The following CHM variants were observed in gnomAD, a reference collection of about 807,000 sequenced individuals.
CHM encodes CHM Rab escort protein.
A neutral mutation model predicts 49.0 loss-of-function variants in CHM; 10 were observed. The observed-to-expected ratio is 0.20, with a 90% CI of 0.13 to 0.35. The LOEUF is 0.35. CHM is among the 10% of genes least tolerant of loss of function. The probability of loss-of-function intolerance (pLI) is 1.00; values close to 1 mark genes in which losing one functional copy is unlikely to be tolerated. For synonymous variants in CHM, 184 were observed against 167.5 expected, an observed-to-expected ratio of 1.10 and a Z score of -0.76; for missense variants, 455 against 478.4, an observed-to-expected ratio of 0.95 and a Z score of 0.46.
chrX:86,042,782 C>T (rs1356501754), intron 1 of CHM, among the ~76,000 whole-genome samples: 1 of 109,743 alleles, frequency 9.1e-6, no homozygotes, highest in Non-Finnish European at 1.9e-5. Context: ...ATGATTGTGC[C>T]ACTGCACTCC....
At chrX:86,039,467 T>C (rs1934371259) in intron 1 of CHM, among the ~76,000 whole-genome samples, 1 of 94,238 alleles carries the variant, frequency 1.1e-5, no homozygotes, top group Non-Finnish European at 2.1e-5. Flanking sequence ...AAACCACCAT[T>C]AACTAGTAGC....
chrX:85,962,012 C>T (rs1569426591), intron 5 of CHM, among the ~76,000 whole-genome samples: 1 of 112,102 alleles, frequency 8.9e-6, no homozygotes, highest in East Asian at 2.8e-4. Context: ...TTTCCCTTTG[C>T]AAGATATATA....
At chrX:85,872,272 G>A in intron 14 of CHM, among the ~76,000 whole-genome samples, 1 of 112,212 alleles carries the variant, frequency 8.9e-6, no homozygotes, top group Middle Eastern at 4.6e-3. Context: ...TTAATGGACA[G>A]ATGTGCCAGT....
chrX:86,012,763 T>C (rs1478910221), intron 2 of CHM, among the ~76,000 whole-genome samples: 1 of 111,060 alleles, frequency 9.0e-6, no homozygotes, highest in Admixed American at 9.6e-5. Context: ...GGCAATATAA[T>C]AGAAATATGT....
intron 2 of CHM, among the ~76,000 whole-genome samples, chrX:86,010,077 ATT>A (rs1932992049): frequency 9.4e-6 from 1 of 106,911 alleles, no homozygotes; most frequent in African/African-American, 3.4e-5. Context: ...TCAGCAAACT[ATT>A]ATAAGGACAG....
intron 11 of CHM, among the ~76,000 whole-genome samples, chrX:85,895,301 A>ATTT (rs762567120): frequency 1.0e-5 from 1 of 96,277 alleles, no homozygotes. Context: ...ACACCTGGCT[A>ATTT]TTTTTTTTTT....
intron 8 of CHM, among the ~76,000 whole-genome samples, chrX:85,941,011 A>G (rs1416344760): frequency 9.0e-6 from 1 of 111,671 alleles, no homozygotes; most frequent in African/African-American, 3.3e-5. Context: ...GCTTCTTGAC[A>G]TTGATATCAA....
chrX:85,995,260 TAAAA>T (rs55742394), intron 2 of CHM, among the ~76,000 whole-genome samples: 1 of 46,812 alleles, frequency 2.1e-5, no homozygotes. Context: ...CCTTATTACT[TAAAA>T]AAAAAAAAAA....
chrX:86,025,698 GAAAGAAAAAGAAAAAGGA>G (rs1057269346), intron 2 of CHM, among the ~76,000 whole-genome samples: 8 of 81,978 alleles, frequency 9.8e-5, no homozygotes, highest in Non-Finnish European at 1.4e-4. Context: ...AAGAAAGAAA[GAAAGAAAAAGAAAAAGGA>G]AAAGAAAAAG....
At chrX:86,030,059 T>C (rs1010430679) in intron 1 of CHM, among the ~76,000 whole-genome samples, 6 of 112,067 alleles carry the variant, frequency 5.4e-5, no homozygotes, top group African/African-American at 1.9e-4. Context: ...TCGCCTCCAT[T>C]TGGCCCAAAA....
intron 14 of CHM, among the ~76,000 whole-genome samples, chrX:85,870,424 G>A (rs1200564619): frequency 4.5e-5 from 5 of 112,107 alleles, no homozygotes; most frequent in Non-Finnish European, 9.4e-5. Flanking sequence ...ATCAAACGTC[G>A]TAAGTGACTG....
intron 4 of CHM, among the ~76,000 whole-genome samples, chrX:85,976,682 C>T (rs932031283): frequency 3.0e-4 from 33 of 110,408 alleles, no homozygotes; most frequent in Non-Finnish European, 4.9e-4. Flanking sequence ...TCGCCTAGTC[C>T]AAACCCTTCC....
At chrX:86,020,217 A>T (rs1177575624) in intron 2 of CHM, among the ~76,000 whole-genome samples, 1 of 111,028 alleles carries the variant, frequency 9.0e-6, no homozygotes, top group Non-Finnish European at 1.9e-5. Flanking sequence ...AATCCCAATC[A>T]TCTTTCAAGA....
At chrX:85,987,255 T>C (rs1256126699) in intron 2 of CHM, among the ~76,000 whole-genome samples, 6 of 112,259 alleles carry the variant, frequency 5.3e-5, no homozygotes, top group African/African-American at 1.9e-4. Context: ...ATATCTTCCA[T>C]GATAATTTTC....
intron 4 of CHM, among the ~76,000 whole-genome samples, chrX:85,968,931 G>A (rs1930724993): frequency 8.9e-6 from 1 of 112,141 alleles, no homozygotes. Context: ...TGTAGACAGT[G>A]ATGAGTAATT....
chrX:86,034,345 C>T (rs909210429), intron 1 of CHM, among the ~76,000 whole-genome samples: 3 of 111,801 alleles, frequency 2.7e-5, no homozygotes, highest in Non-Finnish European at 5.6e-5. Flanking sequence ...CCCATAAAAA[C>T]AGACAGTACA....
intron 8 of CHM, among the ~76,000 whole-genome samples, chrX:85,946,640 C>A (rs775334117): frequency 8.9e-4 from 100 of 112,258 alleles, no homozygotes; most frequent in South Asian, 2.3e-3. Context: ...GGTGTCCAGG[C>A]AGAAACCCAC....
At chrX:85,964,078 C>A in intron 4 of CHM, 26 bp from the exon 5 acceptor site, 1 of 1,183,353 alleles carries the variant, frequency 8.5e-7, no homozygotes, top group Non-Finnish European at 1.1e-6. Context: ...ATAATAAACA[C>A]CAGGCTTTAT....
chrX:86,006,153 C>T (rs755844977), intron 2 of CHM, among the ~76,000 whole-genome samples: 9 of 111,689 alleles, frequency 8.1e-5, no homozygotes, highest in South Asian at 3.8e-4. Context: ...ACAGGACCAA[C>T]GACAAAAACC....
Sources: gnomAD v4.1 joint callset for allele counts (sites outside exome capture counted in the v4.1 genomes callset) on GRCh38, gnomAD v4.1.1 for gene constraint, MANE v1.5 for transcripts, NCBI Gene and HGNC (gene_info 2026-07-23, HGNC 2026-07-21) for gene names.